Variants in LRRC42 observed in about 807,000 individuals in gnomAD.
The protein encoded by LRRC42 is leucine rich repeat containing 42, also known as leucine-rich repeat-containing protein 42.
In LRRC42, 43 loss-of-function variants were observed where a neutral mutation model predicts 44.3. The observed-to-expected ratio is 0.97, with a 90% CI of 0.76 to 1.25. The LOEUF is 1.25. Ranked by LOEUF, LRRC42 falls within the 50% of genes most tolerant of loss-of-function variation. The pLI is 0.00. For synonymous variants in LRRC42, 207 were observed against 195.2 expected, an observed-to-expected ratio of 1.06 and a Z score of -0.50; for missense variants, 540 against 509.1, an observed-to-expected ratio of 1.06 and a Z score of -0.58.
intron 8 of LRRC42, 91 bp from the exon 9 acceptor site, chr1:53,967,574 C>A: frequency 8.0e-7 from 1 of 1,246,348 alleles, no homozygotes; most frequent in Non-Finnish European, 1.1e-6. Context: ...CCTGTTTGGG[C>A]CTTTGTCATA....
intron 5 of LRRC42, among the ~76,000 whole-genome samples, chr1:53,961,375 C>T (rs192006704): frequency 6.6e-6 from 1 of 151,874 alleles, no homozygotes; most frequent in East Asian, 1.9e-4. Flanking sequence ...TTGCGTCACT[C>T]ACTCCAGCCT....
chr1:53,958,378 C>A, intron 4 of LRRC42, 98 bp downstream of exon 4: 1 of 1,471,530 alleles, frequency 6.8e-7, no homozygotes, highest in Non-Finnish European at 9.3e-7. Flanking sequence ...ACTTCCCATT[C>A]TTATGTTGAT....
intron 7 of LRRC42, among the ~76,000 whole-genome samples, chr1:53,963,943 G>GGC (rs1655059810): frequency 4.6e-5 from 2 of 43,776 alleles, no homozygotes; most frequent in African/African-American, 9.1e-5. Context: ...TTCCCCTCCT[G>GGC]CCCACCCCCC....
intron 7 of LRRC42, among the ~76,000 whole-genome samples, chr1:53,964,384 C>G (rs949649304): frequency 6.6e-6 from 1 of 152,122 alleles, no homozygotes; most frequent in African/African-American, 2.4e-5. Context: ...GAGGATGACT[C>G]TGCATTCCTC....
chr1:53,967,065 T>TCA (rs1655145219), intron 8 of LRRC42, among the ~76,000 whole-genome samples: 1 of 152,182 alleles, frequency 6.6e-6, no homozygotes. Context: ...CACTGAACTG[T>TCA]ACACTTAAAA....
chr1:53,947,445 TG>T (rs1654536506), intron 1 of LRRC42, among the ~76,000 whole-genome samples: 3 of 152,064 alleles, frequency 2.0e-5, no homozygotes, highest in Non-Finnish European at 4.4e-5. Context: ...AGTTGAAAAT[TG>T]AAGAATGGGG....
intron 1 of LRRC42, among the ~76,000 whole-genome samples, chr1:53,947,152 TG>T (rs1432659333): frequency 6.7e-6 from 1 of 149,454 alleles, no homozygotes; most frequent in Non-Finnish European, 1.5e-5. Flanking sequence ...AGGTGAAGGT[TG>T]GGAGATCGGA....
At chr1:53,952,999 G>A (rs1008907134) in intron 3 of LRRC42, among the ~76,000 whole-genome samples, 67 of 152,174 alleles carry the variant, frequency 4.4e-4, no homozygotes, top group African/African-American at 1.5e-3. Flanking sequence ...GACTGCCTTT[G>A]CTCATATGCT....
intron 7 of LRRC42, 53 bp downstream of exon 7, chr1:53,962,462 AAG>A (rs1183995605): frequency 1.8e-6 from 2 of 1,102,244 alleles, no homozygotes; most frequent in East Asian, 4.7e-5. Context: ...TCTTAATTCC[AAG>A]TGTCTTATCC....
rs1210208631 is a variant in LRRC42 at position 53,952,124 on chromosome 1, G to A, written c.125G>A (p.Arg42Lys). The A allele has an allele frequency of 6.2e-7, 1 of 1,614,078 alleles. No individual in the cohort carries two copies. Among genetic ancestry groups the A allele is most frequent in the East Asian group, 2.2e-5 (1 of 44,900 alleles). The change falls in exon 3 of 9, where the codon AGG becomes AAG. Residue 42 changes from arginine to lysine, a missense_variant. By Grantham distance (26) the Arg-to-Lys change is conservative. Coordinates refer to ENST00000371370, the MANE Select transcript of LRRC42 (RefSeq NM_001256409.2). ...DGVRSSLQKP[R>K]PFRLFPKGFS... ...GTCAGGAGTAGCCTGCAGAAGCCAA[G>A]GCCTTTCAGACTGTTCCCCAAAGGC...
intron 2 of LRRC42, among the ~76,000 whole-genome samples, chr1:53,949,615 A>G (rs780756359): frequency 6.6e-6 from 1 of 152,212 alleles, no homozygotes; most frequent in Non-Finnish European, 1.5e-5. Flanking sequence ...GCTCACCCCT[A>G]CTGGAGGAAC....
At position 53,966,352 on chromosome 1, in the gene LRRC42, G is replaced by A. The variant is rs750417401; in HGVS notation, c.984G>A (p.Ser328=). The part of the protein sequence containing the change: ...TAEAVKPRET[S]EPRAAAQRFY... ...AAGCTGTGAAGCCACGGGAGACCTC[G>A]GAGCCTAGAGCAGCAGCTCAGCGCT... The change falls in exon 8 of 9, where the codon TCG becomes TCA. Residue 328 remains serine (S), a synonymous_variant. Coordinates refer to ENST00000371370, the MANE Select transcript of LRRC42 (RefSeq NM_001256409.2). 6.8e-6 allele frequency: 11 copies of A among 1,613,782 alleles called. No homozygotes were observed. The highest frequency in any genetic ancestry group is 2.2e-5 in the South Asian group (2 of 91,082).
chr1:53,961,759 C>T (rs1349306312), intron 5 of LRRC42, among the ~76,000 whole-genome samples: 1 of 152,116 alleles, frequency 6.6e-6, no homozygotes, highest in Non-Finnish European at 1.5e-5. Context: ...AAATTAAACC[C>T]TTTGGGATAA....
chr1:53,958,239 G>A lies in LRRC42; in HGVS notation c.564G>A (p.Glu188=), dbSNP rs892185357. 9 of 1,613,730 alleles carry A rather than the reference G, an allele frequency of 5.6e-6. No homozygotes were observed. Among genetic ancestry groups the A allele is most frequent in the Non-Finnish European group, 7.6e-6 (9 of 1,179,806 alleles). The change falls in exon 4 of 9, where the codon GAG becomes GAA. Residue 188 remains glutamate (E), a synonymous_variant. Coordinates refer to ENST00000371370, the MANE Select transcript of LRRC42 (RefSeq NM_001256409.2). ...LDLSCCKLGD[E]HELLEHLTNE... Reference sequence around the variant, plus strand: ...TTTCCTGTTGCAAGCTTGGAGATGAGCATGAACTTCTAGAACATCTCACCA... The same window carrying A: ...TTTCCTGTTGCAAGCTTGGAGATGAACATGAACTTCTAGAACATCTCACCA...
intron 7 of LRRC42, among the ~76,000 whole-genome samples, chr1:53,964,836 A>G (rs1473073523): frequency 1.3e-5 from 2 of 151,886 alleles, no homozygotes; most frequent in Non-Finnish European, 2.9e-5. Flanking sequence ...GGTGGAGCCA[A>G]CTCTGGAACT....
intron 2 of LRRC42, 55 bp from the exon 3 acceptor site, chr1:53,951,931 C>A: frequency 1.5e-6 from 2 of 1,347,076 alleles, no homozygotes; most frequent in Non-Finnish European, 2.0e-6. Flanking sequence ...GATGAAGTTA[C>A]ATGTTACAAA....
intron 4 of LRRC42, among the ~76,000 whole-genome samples, chr1:53,958,498 C>G (rs1557646786): frequency 6.6e-6 from 1 of 152,180 alleles, no homozygotes; most frequent in Non-Finnish European, 1.5e-5. Context: ...TTAGTTGACT[C>G]TTTTTTTCTA....
At chr1:53,951,720 C>A (rs1654687283) in intron 2 of LRRC42, among the ~76,000 whole-genome samples, 1 of 152,114 alleles carries the variant, frequency 6.6e-6, no homozygotes, top group African/African-American at 2.4e-5. Flanking sequence ...CTAATGCGTC[C>A]GGCCTTGACC....
intron 4 of LRRC42, among the ~76,000 whole-genome samples, chr1:53,959,752 C>T (rs1654943903): frequency 1.3e-5 from 2 of 152,144 alleles, no homozygotes; most frequent in Admixed American, 1.3e-4. Flanking sequence ...TTGATTTTCA[C>T]ACCATTTGTC....
Sources: gnomAD v4.1 joint callset for allele counts (sites outside exome capture counted in the v4.1 genomes callset) on GRCh38, gnomAD v4.1.1 for gene constraint, MANE v1.5 for transcripts, NCBI Gene and HGNC (gene_info 2026-07-23, HGNC 2026-07-21) for gene names.